The following CASP6 variants were observed in gnomAD, a reference collection of about 807,000 sequenced individuals.
CASP6 encodes caspase 6.
CASP6 carries 20 observed loss-of-function variants against 31.8 expected under a neutral mutation model. The observed-to-expected ratio is 0.63, with a 90% CI of 0.44 to 0.91. The LOEUF (loss-of-function observed/expected upper bound fraction) is 0.91, where lower values mean the gene tolerates loss of function less well. Among genes scored for constraint, CASP6 ranks in the 40% least tolerant of loss-of-function variants. The pLI is 0.00. For synonymous variants in CASP6, 130 were observed against 127.8 expected (o/e 1.02, Z -0.12); for missense variants, 328 against 361.1 (o/e 0.91, Z 0.74).
chr4:109,678,974 G>GAT, the CASP6 span, among the ~76,000 whole-genome samples: 1 of 150,816 alleles, frequency 6.6e-6, no homozygotes, highest in African/African-American at 2.4e-5. Context: ...CTTCCCATTC[G>GAT]GGGCAGCCAG....
chr4:109,702,254 C>G (rs368360161), intron 1 of CASP6, among the ~76,000 whole-genome samples: 24 of 152,214 alleles, frequency 1.6e-4, no homozygotes, highest in East Asian at 1.2e-3. Flanking sequence ...TCTGGAGCAC[C>G]ATTTCCTTTG....
chr4:109,692,938 C>G (rs1377927990), intron 5 of CASP6, among the ~76,000 whole-genome samples: 1 of 152,200 alleles, frequency 6.6e-6, no homozygotes, highest in African/African-American at 2.4e-5. Flanking sequence ...CTCCAAATCT[C>G]ATGTTAAAAT....
downstream of CASP6, chr4:109,684,823 TTATA>T (rs1276019707): frequency 2.3e-5 from 12 of 527,212 alleles, no homozygotes; most frequent in South Asian, 2.4e-4. Context: ...CACAGAGAAA[TTATA>T]TATAACTTCT....
intron 1 of CASP6, 65 bp downstream of exon 1, chr4:109,703,291 C>G (rs5030520): frequency 0.064 from 99,721 of 1,553,162 alleles, 3,737 homozygotes; most frequent in Non-Finnish European, 0.077. Context: ...CACTAACCCT[C>G]GTTTCCCCTC....
chr4:109,693,848 C>T (rs535472514), intron 5 of CASP6, among the ~76,000 whole-genome samples: 1 of 151,756 alleles, frequency 6.6e-6, no homozygotes, highest in Admixed American at 6.6e-5. Context: ...AAGCAATTCT[C>T]ATGCCTCAGC....
chr4:109,698,717 A>C (rs1302752264), intron 1 of CASP6, among the ~76,000 whole-genome samples: 1 of 152,224 alleles, frequency 6.6e-6, no homozygotes, highest in African/African-American at 2.4e-5. Context: ...AAAAAGAATT[A>C]AGTCCTACAG....
chr4:109,674,987 T>C, the CASP6 span, among the ~76,000 whole-genome samples: 1 of 152,232 alleles, frequency 6.6e-6, no homozygotes. Flanking sequence ...TTATATAATA[T>C]ACAGAAGGCT....
chr4:109,674,920 G>A, the CASP6 span, among the ~76,000 whole-genome samples: 1 of 152,120 alleles, frequency 6.6e-6, no homozygotes, highest in Admixed American at 6.5e-5. Flanking sequence ...TACCTATAAC[G>A]GATTTGATTA....
intron 2 of CASP6, 133 bp downstream of exon 2, chr4:109,698,167 C>G (rs1730309915): frequency 2.3e-6 from 2 of 882,356 alleles, no homozygotes; most frequent in East Asian, 5.2e-5. Context: ...TACAAATGAG[C>G]TCCCCAAAGG....
chr4:109,701,050 C>T (rs778057584), intron 1 of CASP6, among the ~76,000 whole-genome samples: 45 of 152,078 alleles, frequency 3.0e-4, no homozygotes, highest in Admixed American at 2.2e-3. Context: ...CCTCCGCCTC[C>T]GGGTTCAAGC....
At chr4:109,679,454 C>T in the CASP6 span, among the ~76,000 whole-genome samples, 1,668 of 152,222 alleles carry the variant, frequency 0.011, 37 homozygotes, top group African/African-American at 0.038. Context: ...GAGACCAGCC[C>T]GGTCAACACG....
At chr4:109,706,779 G>A (rs1015643136), upstream of CASP6, among the ~76,000 whole-genome samples, 1 of 152,136 alleles carries the variant, frequency 6.6e-6, no homozygotes, top group Non-Finnish European at 1.5e-5. Flanking sequence ...ACGGTGGCAG[G>A]CACCTGTAAT....
chr4:109,701,255 G>A (rs1362986624), intron 1 of CASP6, among the ~76,000 whole-genome samples: 3 of 152,090 alleles, frequency 2.0e-5, no homozygotes, highest in Admixed American at 1.3e-4. Context: ...GAGCCACCAC[G>A]CCCGGCCTGC....
chr4:109,664,727 A>G, the CASP6 span, among the ~76,000 whole-genome samples: 39 of 152,288 alleles, frequency 2.6e-4, no homozygotes, highest in African/African-American at 9.4e-4. Flanking sequence ...ATGACCAAGA[A>G]GTCTTTGGAA....
In CASP6 at chr4:109,697,693, C is replaced by T. The variant is rs746578771; in HGVS notation, c.159G>A (p.Glu53=). The part of the protein sequence containing the change: ...RRGIALIFNH[E]RFFWHLTLPE... ...GCAGTGTTAAGTGCCAAAAGAACCT[C>T]TCATGATTGAAGATTAAAGCAATTC... Residue 53 remains glutamate, a synonymous_variant, in exon 3 of 7, where the codon GAG becomes GAA. Coordinates refer to ENST00000265164, the MANE Select transcript of CASP6 (RefSeq NM_001226.4). 5 of 1,614,102 alleles carry T rather than the reference C, an allele frequency of 3.1e-6. No homozygotes were observed. The highest frequency in any genetic ancestry group is 4.2e-6 in the Non-Finnish European group (5 of 1,179,972).
the CASP6 span, chr4:109,673,861 G>A: frequency 2.6e-6 from 2 of 766,636 alleles, no homozygotes; most frequent in Non-Finnish European, 4.9e-6. Flanking sequence ...AGACACAGGT[G>A]TTTCTCTTCC....
the CASP6 span, among the ~76,000 whole-genome samples, chr4:109,670,816 T>C: frequency 6.6e-6 from 1 of 152,072 alleles, no homozygotes; most frequent in Non-Finnish European, 1.5e-5. Context: ...AGGAGATTTT[T>C]CTTCAGTTTT....
At chr4:109,704,384 A>G (rs556874154), upstream of CASP6, among the ~76,000 whole-genome samples, 1 of 152,260 alleles carries the variant, frequency 6.6e-6, no homozygotes, top group Non-Finnish European at 1.5e-5. Flanking sequence ...TAAACACACA[A>G]AAGACAATAA....
At chr4:109,677,235 A>G in the CASP6 span, among the ~76,000 whole-genome samples, 3 of 152,212 alleles carry the variant, frequency 2.0e-5, no homozygotes, top group Admixed American at 6.5e-5. Context: ...CAGTGGAAAT[A>G]TCTATCCCAT....
Sources: gnomAD v4.1 joint callset for allele counts (sites outside exome capture counted in the v4.1 genomes callset) on GRCh38, gnomAD v4.1.1 for gene constraint, MANE v1.5 for transcripts, NCBI Gene and HGNC (gene_info 2026-07-23, HGNC 2026-07-21) for gene names.